The following SLC10A7 variants were observed in gnomAD, a reference collection of about 807,000 sequenced individuals.
SLC10A7 encodes the protein sodium/bile acid cotransporter 7.
A neutral mutation model predicts 43.2 loss-of-function variants in SLC10A7; 29 were observed. That is an observed-to-expected ratio of 0.67 (90% CI 0.50 to 0.92). The LOEUF (loss-of-function observed/expected upper bound fraction) is 0.92, where lower values mean the gene tolerates loss of function less well. Among genes scored for constraint, SLC10A7 ranks in the 40% least tolerant of loss-of-function variants. The pLI is 0.00. For synonymous variants in SLC10A7, 152 were observed against 144.8 expected (o/e 1.05, Z -0.35); for missense variants, 295 against 403.2 (o/e 0.73, Z 2.30).
intron 5 of SLC10A7, among the ~76,000 whole-genome samples, chr4:146,377,892 AG>A (rs1737318941): frequency 6.6e-6 from 1 of 152,236 alleles, no homozygotes; most frequent in South Asian, 2.1e-4. Context: ...CAAACTTCAT[AG>A]GTTTATATGC....
chr4:146,518,817 T>A (rs1738262115), intron 1 of SLC10A7, among the ~76,000 whole-genome samples: 1 of 151,684 alleles, frequency 6.6e-6, no homozygotes, highest in African/African-American at 2.4e-5. Context: ...GCTAGAAGAC[T>A]CAAAGGATTC....
chr4:146,497,990 A>G (rs955858195), intron 4 of SLC10A7, among the ~76,000 whole-genome samples: 14 of 152,182 alleles, frequency 9.2e-5, no homozygotes, highest in African/African-American at 3.4e-4. Context: ...CTAAACAAAT[A>G]TATATAGTTT....
chr4:146,387,134 G>T (rs1291941265), intron 5 of SLC10A7, among the ~76,000 whole-genome samples: 1 of 152,126 alleles, frequency 6.6e-6, no homozygotes, highest in Non-Finnish European at 1.5e-5. Flanking sequence ...GGGTCACAAA[G>T]GTGGAGCCCT....
chr4:146,323,076 C>G (rs1011526729), intron 6 of SLC10A7, among the ~76,000 whole-genome samples: 1 of 151,920 alleles, frequency 6.6e-6, no homozygotes, highest in African/African-American at 2.4e-5. Flanking sequence ...GTTGCTTTTT[C>G]TTGTAAATTT....
chr4:146,428,389 A>T (rs1375955233), intron 5 of SLC10A7, among the ~76,000 whole-genome samples: 2 of 152,186 alleles, frequency 1.3e-5, no homozygotes, highest in Non-Finnish European at 2.9e-5. Context: ...AGATGATAAG[A>T]CCAAAAAGTC....
At chr4:146,367,031 C>T (rs1178032376) in intron 5 of SLC10A7, among the ~76,000 whole-genome samples, 1 of 150,928 alleles carries the variant, frequency 6.6e-6, no homozygotes, top group East Asian at 1.9e-4. Flanking sequence ...TTGTTTTTGC[C>T]ATTCATCATG....
In SLC10A7 at chr4:146,412,144, G is replaced by A. The variant is rs1728241006; in HGVS notation, c.435+30639C>T. 3.4e-5 allele frequency among the ~76,000 whole-genome samples: 4 copies of A among 116,908 alleles called. No homozygotes were observed. The South Asian group carries it at 1.5e-3, about 43-fold the overall frequency. 76.7% of individuals were successfully genotyped at this position (116,908 alleles called of 152,430 possible). On this transcript the variant is annotated intron_variant, in intron 5 of 11. Transcript: ENST00000335472. ...TACAGTTGTCTTTTATCTTCACTCT[G>A]TCCATCTAGCCAAAAAAAAATTACG...
chr4:146,314,529 A>T (rs990041853), intron 6 of SLC10A7, among the ~76,000 whole-genome samples: 1 of 152,166 alleles, frequency 6.6e-6, no homozygotes, highest in Admixed American at 6.5e-5. Context: ...CAGTTGATAG[A>T]ATAGAAGAGC....
At position 146,255,075 on chromosome 4, in the gene SLC10A7, C is replaced by G. The variant is rs1010109366; in HGVS notation, c.*1416G>C. Reference sequence around the variant, plus strand: ...GGGCATAATAACGAAACAACAAAAACAGCTGCTGAGGACATAGCACGGCCT... The same window carrying G: ...GGGCATAATAACGAAACAACAAAAAGAGCTGCTGAGGACATAGCACGGCCT... On this transcript the variant is annotated 3_prime_UTR_variant, in exon 12 of 12. Coordinates refer to ENST00000335472, the MANE Select transcript of SLC10A7 (RefSeq NM_001029998.6). 6.6e-6 allele frequency: 1 copy of G among 152,160 alleles called. No individual in the cohort carries two copies. The highest frequency in any genetic ancestry group is 1.5e-5 in the Non-Finnish European group (1 of 68,012). 9.4% of individuals were successfully genotyped at this position (152,160 alleles called of 1,614,324 possible). A position where few individuals can be genotyped will look rare whatever the true frequency, so the allele number is the denominator to read the frequency against.
intron 4 of SLC10A7, among the ~76,000 whole-genome samples, chr4:146,478,591 G>C (rs1178398806): frequency 6.6e-6 from 1 of 152,136 alleles, no homozygotes; most frequent in East Asian, 1.9e-4. Flanking sequence ...GGTGATGACT[G>C]ATAAAACAAA....
rs1735686134 is a variant in SLC10A7 at position 146,356,865 on chromosome 4, T to C, written c.436-30869A>G. On this transcript the variant is annotated intron_variant, in intron 5 of 11. Coordinates refer to ENST00000335472, the MANE Select transcript of SLC10A7 (RefSeq NM_001029998.6). ...GGAGCTGGAGTTTTAATCCAGGTCT[T>C]ACTAACTCTAGTCCTATGCTTAATT... 2.6e-5 allele frequency among the ~76,000 whole-genome samples: 4 copies of C among 152,202 alleles called. No individual in the cohort carries two copies. In the South Asian group the frequency reaches 8.3e-4, roughly 31 times the overall value.
At chr4:146,288,536 A>G (rs891353907) in intron 9 of SLC10A7, among the ~76,000 whole-genome samples, 1 of 152,184 alleles carries the variant, frequency 6.6e-6, no homozygotes, top group Non-Finnish European at 1.5e-5. Context: ...CAATATTAAA[A>G]CCAAAAACAC....
intron 5 of SLC10A7, among the ~76,000 whole-genome samples, chr4:146,356,936 T>C (rs1735694282): frequency 1.3e-5 from 2 of 152,188 alleles, no homozygotes; most frequent in South Asian, 2.1e-4. Flanking sequence ...ATACCTTTAT[T>C]GAAAGTTTCC....
chr4:146,436,895 G>C (rs1463350096), intron 5 of SLC10A7, among the ~76,000 whole-genome samples: 1 of 151,986 alleles, frequency 6.6e-6, no homozygotes, highest in African/African-American at 2.4e-5. Flanking sequence ...TTATAGTGTT[G>C]ATGTAAAGTT....
At chr4:146,349,057 C>T (rs1329447790) in intron 5 of SLC10A7, among the ~76,000 whole-genome samples, 2 of 152,116 alleles carry the variant, frequency 1.3e-5, no homozygotes, top group African/African-American at 2.4e-5. Flanking sequence ...AAACAGACCC[C>T]AATGAATGCT....
intron 5 of SLC10A7, among the ~76,000 whole-genome samples, chr4:146,331,485 C>G (rs1016189046): frequency 6.6e-6 from 1 of 152,170 alleles, no homozygotes; most frequent in African/African-American, 2.4e-5. Context: ...AGTTTTGTCT[C>G]TAATTTAGCA....
At chr4:146,421,125 T>A (rs908411149) in intron 5 of SLC10A7, among the ~76,000 whole-genome samples, 14 of 152,272 alleles carry the variant, frequency 9.2e-5, no homozygotes, top group Admixed American at 5.2e-4. Flanking sequence ...GAATGCTTGC[T>A]AATGGGCCAC....
intron 4 of SLC10A7, among the ~76,000 whole-genome samples, chr4:146,470,948 T>A (rs1013049812): frequency 6.6e-6 from 1 of 152,212 alleles, no homozygotes; most frequent in Non-Finnish European, 1.5e-5. Flanking sequence ...ATAGGTACAA[T>A]GCTAAGTAAA....
At chr4:146,491,678 G>GGGAAGGAAGGAAGGAAGGAAGGAA (rs200895728) in intron 4 of SLC10A7, among the ~76,000 whole-genome samples, 6 of 93,540 alleles carry the variant, frequency 6.4e-5, no homozygotes, top group South Asian at 3.9e-4. Context: ...GAGGGAGGAA[G>GGGAAGGAAGGAAGGAAGGAAGGAA]GGAAGGAAGG....
Sources: gnomAD v4.1 joint callset for allele counts (sites outside exome capture counted in the v4.1 genomes callset) on GRCh38, gnomAD v4.1.1 for gene constraint, MANE v1.5 for transcripts, NCBI Gene and HGNC (gene_info 2026-07-23, HGNC 2026-07-21) for gene names.